Variants in HLCS observed in about 807,000 individuals in gnomAD.
HLCS encodes holocarboxylase synthetase.
HLCS carries 53 observed loss-of-function variants against 75.0 expected under a neutral mutation model. That is an observed-to-expected ratio of 0.71 (90% CI 0.57 to 0.89). The LOEUF (loss-of-function observed/expected upper bound fraction) is 0.89. Among genes scored for constraint, HLCS ranks in the 40% least tolerant of loss-of-function variants. The pLI is 0.00. For missense variants in HLCS, 966 were observed against 1,074.0 expected (o/e 0.90, Z 1.41); for synonymous variants, 431 against 428.6 (o/e 1.01, Z -0.07).
chr21:36,953,841 T>C (rs1172617549), intron 2 of HLCS, among the ~76,000 whole-genome samples: 2 of 152,128 alleles, frequency 1.3e-5, no homozygotes, highest in Admixed American at 6.6e-5. Context: ...ATGTACCACA[T>C]AATGTCTCGC....
upstream of HLCS, among the ~76,000 whole-genome samples, chr21:36,966,820 C>CG (rs543610093): frequency 0.54 from 46,431 of 86,720 alleles, 11,293 homozygotes; most frequent in South Asian, 0.65. Context: ...GCGGGAGGGG[C>CG]GGGGGGGGGT....
chr21:36,962,075 T>C lies in HLCS; in HGVS notation c.291A>G (p.Val97=). ...ATGATCTCTGTAAATTCTCACTTTG[T>C]ACCCAAATGCTCTCCGTCACAAATG... is the stretch of plus-strand genomic sequence containing the variant. ...HIAFVTESIW[V]QSENLQRSSS... The change falls in exon 2 of 11, where the codon GTA becomes GTG. Residue 97 remains valine (V), a synonymous_variant. Transcript: ENST00000674895. 1 of 1,289,558 alleles carries C rather than the reference T, an allele frequency of 7.8e-7. No individual in the cohort carries two copies. Among genetic ancestry groups the C allele is most frequent in the South Asian group, 1.2e-5 (1 of 81,020 alleles). The allele number at this position is 1,289,558 out of a possible 1,614,324, so 79.9% of individuals were successfully genotyped here.
intron 5 of HLCS, among the ~76,000 whole-genome samples, chr21:36,924,181 A>G (rs2066299046): frequency 6.6e-6 from 1 of 152,212 alleles, no homozygotes; most frequent in South Asian, 2.1e-4. Context: ...AAAATAGGAG[A>G]AGGGGAGGAC....
intron 6 of HLCS, among the ~76,000 whole-genome samples, chr21:36,784,516 A>C (rs2060630821): frequency 6.6e-6 from 1 of 151,894 alleles, no homozygotes; most frequent in African/African-American, 2.4e-5. Context: ...GGGTTTTGCC[A>C]TGTTGGCCAG....
intron 4 of HLCS, among the ~76,000 whole-genome samples, chr21:36,934,274 G>T (rs892184399): frequency 2.6e-5 from 4 of 152,202 alleles, no homozygotes; most frequent in African/African-American, 9.7e-5. Flanking sequence ...AATGCGTGGA[G>T]AGGGTGATAC....
At chr21:36,790,158 C>A (rs1303306531) in intron 6 of HLCS, among the ~76,000 whole-genome samples, 1 of 152,158 alleles carries the variant, frequency 6.6e-6, no homozygotes, top group Non-Finnish European at 1.5e-5. Flanking sequence ...ATAATCCCAG[C>A]ACTTTGGGAG....
intron 6 of HLCS, among the ~76,000 whole-genome samples, chr21:36,868,150 G>A (rs767010026): frequency 3.9e-5 from 5 of 127,540 alleles, no homozygotes; most frequent in South Asian, 2.5e-4. Flanking sequence ...ACCCCATCAC[G>A]AAAGAAAGGA....
intron 5 of HLCS, among the ~76,000 whole-genome samples, chr21:36,910,195 G>A (rs2146393636): frequency 6.6e-6 from 1 of 152,284 alleles, no homozygotes; most frequent in East Asian, 1.9e-4. Flanking sequence ...TGTTCGCTTG[G>A]TGTCTTCACT....
chr21:36,824,881 C>T (rs1176629559), intron 6 of HLCS, among the ~76,000 whole-genome samples: 1 of 152,226 alleles, frequency 6.6e-6, no homozygotes, highest in African/African-American at 2.4e-5. Flanking sequence ...GTCATGCTCA[C>T]ATTTGGTGCA....
At chr21:36,893,131 C>T (rs748038836) in intron 6 of HLCS, among the ~76,000 whole-genome samples, 15 of 151,922 alleles carry the variant, frequency 9.9e-5, no homozygotes, top group South Asian at 6.2e-4. Flanking sequence ...AGTGCAATGG[C>T]GCGATCTTGG....
At chr21:36,826,179 G>A (rs79180676) in intron 6 of HLCS, among the ~76,000 whole-genome samples, 149 of 152,260 alleles carry the variant, frequency 9.8e-4, no homozygotes, top group African/African-American at 3.3e-3. Flanking sequence ...TTCCTAACAA[G>A]CCTAGATGAA....
At chr21:36,782,408 T>C (rs544048813) in intron 6 of HLCS, among the ~76,000 whole-genome samples, 10 of 152,232 alleles carry the variant, frequency 6.6e-5, no homozygotes, top group African/African-American at 2.4e-4. Context: ...AGTAAGACAA[T>C]GAGTTTATAT....
At chr21:36,939,245 C>T (rs1428922303) in intron 2 of HLCS, among the ~76,000 whole-genome samples, 1 of 152,118 alleles carries the variant, frequency 6.6e-6, no homozygotes, top group Non-Finnish European at 1.5e-5. Flanking sequence ...CTGAAGTCTC[C>T]ACCTTTTTAA....
intron 2 of HLCS, among the ~76,000 whole-genome samples, chr21:36,957,678 G>A (rs1234274699): frequency 6.6e-6 from 1 of 152,214 alleles, no homozygotes; most frequent in Non-Finnish European, 1.5e-5. Context: ...GCTCATGCCT[G>A]TAATCCCAGC....
intron 6 of HLCS, chr21:36,804,162 T>G (rs1156782355): frequency 6.6e-6 from 1 of 152,504 alleles, no homozygotes; most frequent in African/African-American, 2.4e-5. Context: ...TTCCCGTAGC[T>G]GAGGCTCAAA....
intron 6 of HLCS, among the ~76,000 whole-genome samples, chr21:36,841,945 T>C (rs1162393674): frequency 6.6e-6 from 1 of 152,192 alleles, no homozygotes; most frequent in African/African-American, 2.4e-5. Flanking sequence ...AAGGCTGACA[T>C]ATGCATACCT....
intron 6 of HLCS, among the ~76,000 whole-genome samples, chr21:36,783,682 T>G (rs1225348306): frequency 6.6e-6 from 1 of 152,202 alleles, no homozygotes; most frequent in South Asian, 2.1e-4. Flanking sequence ...GTTGGTGTTC[T>G]GTCTCCCTAC....
intron 5 of HLCS, among the ~76,000 whole-genome samples, chr21:36,907,256 G>T (rs145765176): frequency 6.6e-6 from 1 of 152,230 alleles, no homozygotes; most frequent in African/African-American, 2.4e-5. Context: ...CTTTGGGTAG[G>T]TAAAGTTTTT....
chr21:36,810,820 G>A (rs868513024), intron 6 of HLCS, among the ~76,000 whole-genome samples: 1 of 152,130 alleles, frequency 6.6e-6, no homozygotes, highest in Non-Finnish European at 1.5e-5. Flanking sequence ...ACAAGGTTAC[G>A]CCTGGAATAC....
Sources: gnomAD v4.1 joint callset for allele counts (sites outside exome capture counted in the v4.1 genomes callset) on GRCh38, gnomAD v4.1.1 for gene constraint, MANE v1.5 for transcripts, NCBI Gene and HGNC (gene_info 2026-07-23, HGNC 2026-07-21) for gene names.